Variants in RSU1 observed in about 807,000 individuals in gnomAD.
RSU1 encodes Ras suppressor protein 1.
Under a neutral mutation model 31.1 loss-of-function variants are expected in RSU1, and 26 were observed. The observed-to-expected ratio is 0.84, with a 90% confidence interval of 0.61 to 1.16. RSU1 has a LOEUF of 1.16. RSU1 is among the 50% of genes most tolerant of loss of function. The probability of loss-of-function intolerance (pLI) is 0.00; values close to 1 mark genes in which losing one functional copy is unlikely to be tolerated. For synonymous variants in RSU1, 164 were observed against 136.3 expected (o/e 1.20, Z -1.41); for missense variants, 320 against 339.1 (o/e 0.94, Z 0.44).
intron 8 of RSU1, among the ~76,000 whole-genome samples, chr10:16,686,856 GT>G (rs11359044): frequency 0.29 from 44,647 of 152,104 alleles, 7,404 homozygotes; most frequent in Middle Eastern, 0.4. Context: ...TGCAGCTGTA[GT>G]TTTTTTCCCC....
chr10:16,633,889 C>T (rs907741056), intron 8 of RSU1, among the ~76,000 whole-genome samples: 1 of 152,210 alleles, frequency 6.6e-6, no homozygotes, highest in African/African-American at 2.4e-5. Context: ...ACCGATTGGA[C>T]ATCTACCTCC....
chr10:16,688,453 C>T (rs1564317515), intron 8 of RSU1, among the ~76,000 whole-genome samples: 1 of 151,872 alleles, frequency 6.6e-6, no homozygotes, highest in South Asian at 2.1e-4. Flanking sequence ...AAAAAAAATA[C>T]AAAAAATCAG....
chr10:16,680,561 G>T (rs1485978675), intron 8 of RSU1, among the ~76,000 whole-genome samples: 1 of 152,108 alleles, frequency 6.6e-6, no homozygotes, highest in Non-Finnish European at 1.5e-5. Flanking sequence ...AAACATGGCA[G>T]AAGATGAAGG....
At chr10:16,614,742 T>A (rs753819464) in intron 8 of RSU1, among the ~76,000 whole-genome samples, 1 of 151,850 alleles carries the variant, frequency 6.6e-6, no homozygotes, top group Non-Finnish European at 1.5e-5. Context: ...AGACAATAAA[T>A]AGACTTACCC....
intron 8 of RSU1, among the ~76,000 whole-genome samples, chr10:16,627,762 C>CAAAAAAA (rs74962434): frequency 8.9e-5 from 6 of 67,478 alleles, no homozygotes; most frequent in African/African-American, 1.4e-4. Context: ...CATCTCAATA[C>CAAAAAAA]AAAAAAAAAA....
chr10:16,591,798 C>T lies in RSU1; in HGVS notation c.*1596G>A, dbSNP rs890115303. The T allele has an allele frequency of 1.3e-5, 2 of 152,144 alleles. No homozygotes were observed. Among genetic ancestry groups the T allele is most frequent in the Non-Finnish European group, 2.9e-5 (2 of 68,036 alleles). 9.4% of individuals were successfully genotyped at this position (152,144 alleles called of 1,614,324 possible). ...TAGGTTAAGTCTTTCCTATCCACAACAGCAAAGGCCTTGTTCTCCCTCGTG... is the reference window on the plus strand; with the variant it reads ...TAGGTTAAGTCTTTCCTATCCACAATAGCAAAGGCCTTGTTCTCCCTCGTG... On this transcript the variant is annotated 3_prime_UTR_variant, in exon 9 of 9. Coordinates refer to ENST00000345264, the MANE Select transcript of RSU1 (RefSeq NM_012425.4).
At chr10:16,778,488 G>T (rs1430091645) in intron 3 of RSU1, among the ~76,000 whole-genome samples, 1 of 152,136 alleles carries the variant, frequency 6.6e-6, no homozygotes, top group African/African-American at 2.4e-5. Flanking sequence ...AGGCATTCAG[G>T]AAGAATATGA....
At chr10:16,806,968 G>A (rs1838284051) in intron 2 of RSU1, among the ~76,000 whole-genome samples, 1 of 152,272 alleles carries the variant, frequency 6.6e-6, no homozygotes, top group South Asian at 2.1e-4. Flanking sequence ...TGGCCAGGGT[G>A]GTCTCAAACT....
At chr10:16,674,673 A>C (rs1352110871) in intron 8 of RSU1, among the ~76,000 whole-genome samples, 1 of 152,076 alleles carries the variant, frequency 6.6e-6, no homozygotes. Context: ...AATGGAAAAA[A>C]CTTTGCTGAG....
At chr10:16,814,609 C>G (rs971913950) in intron 2 of RSU1, among the ~76,000 whole-genome samples, 7 of 152,160 alleles carry the variant, frequency 4.6e-5, no homozygotes, top group African/African-American at 1.7e-4. Flanking sequence ...CCTGGAACCC[C>G]CTAGGCTCCG....
At chr10:16,816,930 G>T in intron 2 of RSU1, 43 bp downstream of exon 2, 1 of 1,395,038 alleles carries the variant, frequency 7.2e-7, no homozygotes, top group Non-Finnish European at 1.0e-6. Context: ...AACTTAGAAA[G>T]CCTTCCAGCT....
intron 3 of RSU1, among the ~76,000 whole-genome samples, chr10:16,764,961 G>A (rs2131631892): frequency 6.6e-6 from 1 of 151,522 alleles, no homozygotes; most frequent in African/African-American, 2.4e-5. Context: ...TAAGTGCTTG[G>A]CACAGTTTGT....
chr10:16,726,556 C>A (rs750364622), intron 7 of RSU1, among the ~76,000 whole-genome samples: 1 of 152,118 alleles, frequency 6.6e-6, no homozygotes, highest in Non-Finnish European at 1.5e-5. Context: ...TGAGCCACTG[C>A]GCCCGGCCAA....
chr10:16,699,571 G>C (rs1361233663), intron 7 of RSU1, among the ~76,000 whole-genome samples: 1 of 152,244 alleles, frequency 6.6e-6, no homozygotes, highest in African/African-American at 2.4e-5. Context: ...ACACGCTTCA[G>C]TGCGTTGAGT....
chr10:16,789,610 G>C (rs1837870340), intron 2 of RSU1, among the ~76,000 whole-genome samples: 1 of 152,192 alleles, frequency 6.6e-6, no homozygotes, highest in Non-Finnish European at 1.5e-5. Flanking sequence ...AAATAGAATG[G>C]GTTATTTAAA....
chr10:16,672,348 G>A (rs915504511), intron 8 of RSU1, among the ~76,000 whole-genome samples: 5 of 151,952 alleles, frequency 3.3e-5, no homozygotes, highest in African/African-American at 4.8e-5. Flanking sequence ...TATGACCCAC[G>A]CATTCCACTC....
intron 8 of RSU1, among the ~76,000 whole-genome samples, chr10:16,679,590 T>G (rs532084566): frequency 4.6e-5 from 7 of 152,126 alleles, no homozygotes; most frequent in Non-Finnish European, 8.8e-5. Context: ...GGGCATTTAA[T>G]AGGTAAAGAT....
At position 16,625,461 on chromosome 10, in the gene RSU1, G is replaced by A. The variant is rs75294287; in HGVS notation, c.732-31965C>T. ...ATGCATTCACTGAAAGAAGCAAAGC[G>A]GTGTTCCTGTGACGGCAGGGTCCCC... On this transcript the variant is annotated intron_variant, in intron 8 of 8. Coordinates refer to ENST00000345264, the MANE Select transcript of RSU1 (RefSeq NM_012425.4). 7.1e-3 allele frequency among the ~76,000 whole-genome samples: 1,081 copies of A among 152,292 alleles called. 19 individuals carry two copies. Among genetic ancestry groups the A allele is most frequent in the African/African-American group, 0.025 (1,046 of 41,542 alleles).
At chr10:16,594,991 C>T (rs1833587311) in intron 8 of RSU1, among the ~76,000 whole-genome samples, 1 of 151,962 alleles carries the variant, frequency 6.6e-6, no homozygotes, top group Non-Finnish European at 1.5e-5. Context: ...ACCATGTTGG[C>T]CAGGCTGGTC....
Sources: allele counts gnomAD v4.1 joint callset (sites outside exome capture counted in the v4.1 genomes callset), GRCh38; gene constraint gnomAD v4.1.1; transcripts MANE v1.5; gene names NCBI Gene and HGNC (gene_info 2026-07-23, HGNC 2026-07-21).